SPATA6: variants seen among roughly 807,000 people sequenced by gnomAD.
SPATA6 encodes spermatogenesis associated 6.
Under a neutral mutation model 65.3 loss-of-function variants are expected in SPATA6, and 56 were observed. The ratio of observed to expected loss-of-function variants is 0.86; its 90% CI spans 0.69 to 1.07. SPATA6 has a LOEUF of 1.07. SPATA6 is among the 50% of genes least tolerant of loss of function. The pLI is 0.00. For synonymous variants in SPATA6, 199 were observed against 213.2 expected, an observed-to-expected ratio of 0.93 and a Z score of 0.58; for missense variants, 590 against 594.8, an observed-to-expected ratio of 0.99 and a Z score of 0.08.
the SPATA6 span, among the ~76,000 whole-genome samples, chr1:48,267,752 G>GT: frequency 0.017 from 1,236 of 72,646 alleles, 70 homozygotes; most frequent in African/African-American, 0.038. Flanking sequence ...TAGGGTCTGG[G>GT]TTTTTTTTTT....
chr1:48,399,682 G>A, intron 6 of SPATA6, 38 bp from the exon 7 acceptor site: 1 of 1,505,802 alleles, frequency 6.6e-7, no homozygotes, highest in Non-Finnish European at 8.9e-7. Flanking sequence ...GGTCAAAGGG[G>A]ATTTTTAAAA....
intron 3 of SPATA6, chr1:48,435,932 T>G (rs1288177808): frequency 6.4e-7 from 1 of 1,569,160 alleles, no homozygotes; most frequent in African/African-American, 1.4e-5. Context: ...AATAGATGGA[T>G]TTTTGTCACT....
rs961505551 is a variant in SPATA6, at chr1:48,298,961, C to A, written c.1287-68G>T. On this transcript the variant is annotated intron_variant, in intron 12 of 12. Transcript: ENST00000371847. Reference sequence around the variant, plus strand: ...AAATTAGAGATAGTACTATGTAAATCAAATATTTATTGAGTACTCTATGGC... The same window carrying A: ...AAATTAGAGATAGTACTATGTAAATAAAATATTTATTGAGTACTCTATGGC... 6.1e-6 allele frequency: 9 copies of A among 1,471,768 alleles called. No homozygotes were observed. The African/African-American group carries it at 1.1e-4, about 18-fold the overall frequency. 91.2% of individuals were successfully genotyped at this position (1,471,768 alleles called of 1,614,324 possible). A position where few individuals can be genotyped will look rare whatever the true frequency, so the allele number is the denominator to read the frequency against.
the SPATA6 span, among the ~76,000 whole-genome samples, chr1:48,279,617 A>T: frequency 6.6e-6 from 1 of 152,240 alleles, no homozygotes; most frequent in African/African-American, 2.4e-5. Context: ...GGATCAATTC[A>T]ACAAGAAGAG....
intron 5 of SPATA6, among the ~76,000 whole-genome samples, chr1:48,406,806 T>C (rs1242483932): frequency 6.6e-6 from 1 of 152,182 alleles, no homozygotes; most frequent in Non-Finnish European, 1.5e-5. Context: ...CCCTATGATA[T>C]CGCCATGTTA....
At chr1:48,387,225 A>G (rs1337318709) in intron 8 of SPATA6, among the ~76,000 whole-genome samples, 1 of 152,102 alleles carries the variant, frequency 6.6e-6, no homozygotes, top group Non-Finnish European at 1.5e-5. Context: ...CCATGATTCA[A>G]TTGCCTCCCA....
At chr1:48,392,258 G>A in intron 8 of SPATA6, among the ~76,000 whole-genome samples, 1 of 152,186 alleles carries the variant, frequency 6.6e-6, no homozygotes, top group Non-Finnish European at 1.5e-5. Flanking sequence ...CAAATGAAGA[G>A]AAGAAAAGAA....
rs547412167 is a variant in SPATA6, at chr1:48,457,304, T to C, written c.52-4173A>G. Among the ~76,000 whole-genome samples, 381 of 152,080 alleles carry C rather than the reference T, an allele frequency of 2.5e-3. 1 individual carries two copies. The highest frequency in any genetic ancestry group is 4.3e-3 in the Non-Finnish European group (293 of 67,976). On this transcript the variant is annotated intron_variant, in intron 1 of 12. Coordinates refer to ENST00000371847, the MANE Select transcript of SPATA6 (RefSeq NM_019073.4). ...AAAATTAGCTGGGCATGGTGGCACA[T>C]GCCTGTAATCCCAGCTACTCAAGAG...
the SPATA6 span, among the ~76,000 whole-genome samples, chr1:48,283,085 A>G: frequency 2.6e-5 from 4 of 151,378 alleles, no homozygotes; most frequent in African/African-American, 9.7e-5. Flanking sequence ...TCGCAAGAAC[A>G]AAAAACCAAA....
intron 8 of SPATA6, among the ~76,000 whole-genome samples, chr1:48,391,291 C>G (rs1185324110): frequency 6.6e-6 from 1 of 150,940 alleles, no homozygotes; most frequent in African/African-American, 2.4e-5. Context: ...GTGGGAAGAT[C>G]ATTTGAACCA....
At chr1:48,290,727 A>G (rs542562286), downstream of SPATA6, among the ~76,000 whole-genome samples, 2 of 152,190 alleles carry the variant, frequency 1.3e-5, no homozygotes, top group Non-Finnish European at 2.9e-5. Flanking sequence ...CTTTAAACCA[A>G]CAAAGATCAG....
chr1:48,417,435 AAT>A (rs927318738), intron 3 of SPATA6, among the ~76,000 whole-genome samples: 3 of 152,158 alleles, frequency 2.0e-5, no homozygotes, highest in African/African-American at 7.2e-5. Flanking sequence ...TTAATAGAGA[AAT>A]ATATATATTT....
intron 11 of SPATA6, among the ~76,000 whole-genome samples, chr1:48,333,073 T>C (rs963034466): frequency 4.6e-5 from 7 of 152,286 alleles, no homozygotes; most frequent in African/African-American, 1.7e-4. Context: ...TGTATCTGGC[T>C]GTTACCAGAA....
rs76878134 is a variant in SPATA6 at position 48,384,567 on chromosome 1, C to T, written c.909+742G>A. ...AGTGATAGAGCAAATAATAATGGTA[C>T]CCAAAATGATTTTAGAAGATATACA... On this transcript the variant is annotated intron_variant, in intron 9 of 12. Coordinates refer to ENST00000371847, the MANE Select transcript of SPATA6 (RefSeq NM_019073.4). Among the ~76,000 whole-genome samples, 371 of 152,042 alleles carry T rather than the reference C, an allele frequency of 2.4e-3. 2 individuals are homozygous for T. The highest frequency in any genetic ancestry group is 4.8e-3 in the Admixed American group (73 of 15,268).
At chr1:48,432,486 A>T (rs1424455325) in intron 3 of SPATA6, among the ~76,000 whole-genome samples, 2 of 152,216 alleles carry the variant, frequency 1.3e-5, no homozygotes, top group Admixed American at 1.3e-4. Context: ...TTAAATAGAC[A>T]TTTCTCCATA....
At chr1:48,335,786 G>A (rs769289139) in intron 11 of SPATA6, among the ~76,000 whole-genome samples, 4 of 151,944 alleles carry the variant, frequency 2.6e-5, no homozygotes, top group Non-Finnish European at 5.9e-5. Flanking sequence ...GACAAATGGC[G>A]CCTAATTAAA....
intron 7 of SPATA6, among the ~76,000 whole-genome samples, chr1:48,397,518 C>T (rs574817018): frequency 2.6e-5 from 4 of 151,690 alleles, no homozygotes; most frequent in South Asian, 2.1e-4. Flanking sequence ...CTTGGAAGCA[C>T]GCTAATTGAT....
chr1:48,381,859 G>T (rs1339396847), intron 9 of SPATA6, among the ~76,000 whole-genome samples: 2 of 142,868 alleles, frequency 1.4e-5, no homozygotes, highest in Admixed American at 7.0e-5. Flanking sequence ...TTGGCCTTCC[G>T]CAGTGTTTGT....
intron 9 of SPATA6, among the ~76,000 whole-genome samples, chr1:48,369,247 AC>A (rs1304169956): frequency 1.3e-5 from 2 of 152,204 alleles, no homozygotes; most frequent in African/African-American, 4.8e-5. Context: ...TCAGGGACCC[AC>A]TTAAGGAGGC....
Sources: gnomAD v4.1 joint callset for allele counts (sites outside exome capture counted in the v4.1 genomes callset) on GRCh38, gnomAD v4.1.1 for gene constraint, MANE v1.5 for transcripts, NCBI Gene and HGNC (gene_info 2026-07-23, HGNC 2026-07-21) for gene names.